Variants in CDH8 observed in about 807,000 individuals in gnomAD.
CDH8 encodes cadherin-8.
Under a neutral mutation model 68.1 loss-of-function variants are expected in CDH8, and 17 were observed. The ratio of observed to expected loss-of-function variants is 0.25; its 90% CI spans 0.17 to 0.37. The LOEUF (loss-of-function observed/expected upper bound fraction) is 0.37, where lower values mean the gene tolerates loss of function less well. CDH8 is among the 10% of genes least tolerant of loss of function. The pLI, the probability that CDH8 is intolerant of heterozygous loss-of-function variation, is 1.00. For missense variants in CDH8, 763 were observed against 999.3 expected, an observed-to-expected ratio of 0.76 and a Z score of 3.19; for synonymous variants, 372 against 365.1, an observed-to-expected ratio of 1.02 and a Z score of -0.21.
chr16:61,938,673 T>A (rs962253140), intron 2 of CDH8, among the ~76,000 whole-genome samples: 1 of 152,126 alleles, frequency 6.6e-6, no homozygotes, highest in Non-Finnish European at 1.5e-5. Context: ...CTGAGAAAAA[T>A]CCCTCAAATT....
At chr16:61,706,063 C>G (rs1268278482) in intron 10 of CDH8, among the ~76,000 whole-genome samples, 1 of 152,100 alleles carries the variant, frequency 6.6e-6, no homozygotes, top group African/African-American at 2.4e-5. Flanking sequence ...AAAAAAGATA[C>G]CATCCATTAT....
At chr16:61,951,351 A>T (rs868247778) in intron 2 of CDH8, among the ~76,000 whole-genome samples, 1 of 151,988 alleles carries the variant, frequency 6.6e-6, no homozygotes. Flanking sequence ...CTTTACTAAA[A>T]ATACAAAAAA....
At chr16:61,925,292 G>T (rs1375490490) in intron 2 of CDH8, among the ~76,000 whole-genome samples, 1 of 152,162 alleles carries the variant, frequency 6.6e-6, no homozygotes, top group Non-Finnish European at 1.5e-5. Context: ...GAGCAAACAA[G>T]ATTTTGTTTT....
intron 3 of CDH8, among the ~76,000 whole-genome samples, chr16:61,868,031 T>C (rs1362132575): frequency 6.6e-6 from 1 of 152,204 alleles, no homozygotes; most frequent in East Asian, 1.9e-4. Context: ...TGAATCTACA[T>C]TGTCCTTGTT....
At chr16:61,992,365 C>A (rs1199171246) in intron 2 of CDH8, among the ~76,000 whole-genome samples, 1 of 144,674 alleles carries the variant, frequency 6.9e-6, no homozygotes, top group East Asian at 2.1e-4. Flanking sequence ...ACCGCATGTT[C>A]TCACTCATAG....
chr16:61,991,732 C>G (rs565867071), intron 2 of CDH8, among the ~76,000 whole-genome samples: 2 of 152,234 alleles, frequency 1.3e-5, no homozygotes, highest in Admixed American at 1.3e-4. Context: ...CCTGACTTTC[C>G]CCTTTATCGC....
intron 10 of CDH8, among the ~76,000 whole-genome samples, chr16:61,708,904 A>C (rs1964579881): frequency 6.6e-6 from 1 of 152,202 alleles, no homozygotes; most frequent in Non-Finnish European, 1.5e-5. Context: ...GACAACTTAC[A>C]TGGAAAACAC....
At chr16:61,861,472 T>C (rs188155492) in intron 3 of CDH8, among the ~76,000 whole-genome samples, 31 of 152,326 alleles carry the variant, frequency 2.0e-4, no homozygotes, top group Non-Finnish European at 3.2e-4. Context: ...TATCTTATTA[T>C]GAGAGGCAGC....
At chr16:61,658,145 G>A (rs1018990589) in intron 10 of CDH8, among the ~76,000 whole-genome samples, 1 of 151,770 alleles carries the variant, frequency 6.6e-6, no homozygotes, top group African/African-American at 2.4e-5. Flanking sequence ...ATTTACTTGA[G>A]TTCTTTCATT....
intron 2 of CDH8, among the ~76,000 whole-genome samples, chr16:61,974,387 T>C (rs1038659183): frequency 6.6e-6 from 1 of 152,130 alleles, no homozygotes; most frequent in Non-Finnish European, 1.5e-5. Flanking sequence ...CAGCATCTGG[T>C]TTATTCTGCT....
intron 8 of CDH8, among the ~76,000 whole-genome samples, chr16:61,788,337 T>C (rs983967169): frequency 5.3e-5 from 8 of 152,110 alleles, no homozygotes; most frequent in Admixed American, 2.6e-4. Context: ...ATATTTCCTA[T>C]AATTATCATC....
At chr16:61,875,673 G>T (rs189644417) in intron 3 of CDH8, among the ~76,000 whole-genome samples, 1 of 152,146 alleles carries the variant, frequency 6.6e-6, no homozygotes, top group Admixed American at 6.5e-5. Flanking sequence ...TCCTATATAT[G>T]CTTCAAGGTT....
intron 2 of CDH8, among the ~76,000 whole-genome samples, chr16:62,010,776 T>TA (rs968266532): frequency 3.5e-4 from 53 of 151,568 alleles, no homozygotes; most frequent in African/African-American, 1.3e-3. Context: ...CGATCTCTAC[T>TA]AAAAATACAA....
intron 4 of CDH8, among the ~76,000 whole-genome samples, chr16:61,828,585 T>G (rs1178111726): frequency 1.3e-5 from 2 of 151,846 alleles, no homozygotes; most frequent in Non-Finnish European, 2.9e-5. Flanking sequence ...TTTTCCAAAT[T>G]GTTGAAAATC....
At chr16:61,661,895 T>C (rs980473678) in intron 10 of CDH8, among the ~76,000 whole-genome samples, 2 of 151,730 alleles carry the variant, frequency 1.3e-5, no homozygotes, top group Admixed American at 1.3e-4. Context: ...AGTACACTAA[T>C]GAGAACTTCT....
At position 61,674,303 on chromosome 16, in the gene CDH8, A is replaced by AATT. The variant is rs539157329; in HGVS notation, c.1655-18585_1655-18583dup. On this transcript the variant is annotated intron_variant, in intron 10 of 11. Coordinates refer to ENST00000577390, the MANE Select transcript of CDH8 (RefSeq NM_001796.5). ...CTCCATCTCTACTAAAAATACAAAA[A>AATT]ATTATTTGGGCGTGGTGGTGAGTGC... Among the ~76,000 whole-genome samples, 80 of 152,054 alleles carry AATT rather than the reference A, an allele frequency of 5.3e-4. 3 individuals are homozygous for AATT. In the South Asian group the frequency reaches 0.016, roughly 31 times the overall value.
intron 2 of CDH8, among the ~76,000 whole-genome samples, chr16:61,923,135 T>C (rs546834231): frequency 6.6e-6 from 1 of 152,308 alleles, no homozygotes; most frequent in East Asian, 1.9e-4. Flanking sequence ...ATAATTCATA[T>C]ATGATATTAA....
chr16:61,980,810 T>G (rs576052179), intron 2 of CDH8, among the ~76,000 whole-genome samples: 1 of 152,316 alleles, frequency 6.6e-6, no homozygotes, highest in East Asian at 1.9e-4. Flanking sequence ...TGTAAATGTT[T>G]GTTAAAATAT....
chr16:61,796,016 A>G (rs997620571), intron 7 of CDH8, among the ~76,000 whole-genome samples: 8 of 152,100 alleles, frequency 5.3e-5, no homozygotes, highest in African/African-American at 1.9e-4. Context: ...TTTGATTCAT[A>G]TAGCATCACA....
Sources: allele counts gnomAD v4.1 joint callset (sites outside exome capture counted in the v4.1 genomes callset), GRCh38; gene constraint gnomAD v4.1.1; transcripts MANE v1.5; gene names NCBI Gene and HGNC (gene_info 2026-07-23, HGNC 2026-07-21).